The following FBXL14 variants were observed in gnomAD, a reference collection of about 807,000 sequenced individuals.
FBXL14 encodes F-box/LRR-repeat protein 14.
Under a neutral mutation model 24.5 loss-of-function variants are expected in FBXL14, and 11 were observed. That is an observed-to-expected ratio of 0.45 (90% CI 0.28 to 0.74). FBXL14 has a LOEUF of 0.74. Among genes scored for constraint, FBXL14 ranks in the 30% least tolerant of loss-of-function variants. FBXL14 has a pLI of 0.12. For missense variants in FBXL14, 384 were observed against 545.6 expected, an observed-to-expected ratio of 0.70 and a Z score of 2.95; for synonymous variants, 294 against 240.4, an observed-to-expected ratio of 1.22 and a Z score of -2.06.
chr12:1,592,190 GTATA>G (rs576737463), intron 1 of FBXL14, among the ~76,000 whole-genome samples: 1 of 139,068 alleles, frequency 7.2e-6, no homozygotes, highest in Non-Finnish European at 1.6e-5. Context: ...ACATATATAT[GTATA>G]TATATATATA....
chr12:1,591,264 A>G (rs1200764599), intron 1 of FBXL14, among the ~76,000 whole-genome samples: 1 of 151,940 alleles, frequency 6.6e-6, no homozygotes, highest in Non-Finnish European at 1.5e-5. Flanking sequence ...GCGTCCTCTT[A>G]GAGTATACAA....
In FBXL14 at chr12:1,566,727, C is replaced by G; in HGVS notation, c.*21G>C. The stretch of plus-strand genomic sequence containing the variant: ...CTGGAAGTTAAAGATCCACGGGAAC[C>G]ATGTCGTTGTCCCCTCTCCCTCACC... On this transcript the variant is annotated 3_prime_UTR_variant, in exon 2 of 2. Transcript: ENST00000339235. 2.6e-6 allele frequency: 2 copies of G among 780,894 alleles called. No homozygotes were observed. The highest frequency in any genetic ancestry group is 4.8e-6 in the Non-Finnish European group (2 of 418,062). The allele number at this position is 780,894 out of a possible 1,614,324, so 48.4% of individuals were successfully genotyped here. A position where few individuals can be genotyped will look rare whatever the true frequency, so the allele number is the denominator to read the frequency against.
intron 1 of FBXL14, among the ~76,000 whole-genome samples, chr12:1,580,634 A>G (rs2094464488): frequency 6.6e-6 from 1 of 152,166 alleles, no homozygotes; most frequent in Non-Finnish European, 1.5e-5. Context: ...CCACTTGATT[A>G]GAGGCCTTTG....
Position 1,579,625 on chromosome 12 carries a change from A to G in FBXL14, c.1195-12815T>C, listed in dbSNP as rs2094462519. On this transcript the variant is annotated intron_variant, in intron 1 of 1. Coordinates refer to ENST00000339235, the MANE Select transcript of FBXL14 (RefSeq NM_152441.3). The surrounding 1 kb of genome is among the most constrained non-coding windows in gnomAD (Gnocchi z 4.3). ...GAGACTCCATTTAAAAAAAAAAAAAAATGTAGTTATCAATTTTTTGTTTTT... is the reference window on the plus strand; with the variant it reads ...GAGACTCCATTTAAAAAAAAAAAAAGATGTAGTTATCAATTTTTTGTTTTT... 6.6e-6 allele frequency among the ~76,000 whole-genome samples: 1 copy of G among 151,928 alleles called. No homozygotes were observed.
chr12:1,587,169 G>A (rs539193553), intron 1 of FBXL14, among the ~76,000 whole-genome samples: 69 of 151,160 alleles, frequency 4.6e-4, no homozygotes, highest in African/African-American at 1.6e-3. Context: ...CCTGGGAGGC[G>A]GAGGTTGCAG....
chr12:1,573,698 A>T (rs1199970587), intron 1 of FBXL14, among the ~76,000 whole-genome samples: 1 of 152,196 alleles, frequency 6.6e-6, no homozygotes, highest in Non-Finnish European at 1.5e-5. Context: ...TACAACATAC[A>T]TAAGTGCACA....
chr12:1,576,632 G>A (rs1043554620), intron 1 of FBXL14, among the ~76,000 whole-genome samples: 1 of 152,140 alleles, frequency 6.6e-6, no homozygotes, highest in African/African-American at 2.4e-5. Flanking sequence ...CTCCCATGGG[G>A]CCTATCTAGA....
In FBXL14 at chr12:1,593,676, T is replaced by C. The variant is rs767062865; in HGVS notation, c.391A>G (p.Thr131Ala). ...GCTATGCGGCCCAGGCTGCTGTCAG[T>C]GATCTGCTTGCAGAGGCTCAGGTTG... ...ALNLSLCKQI[T>A]DSSLGRIAQY... Residue 131 changes from threonine to alanine, a missense_variant, in exon 1 of 2, where the codon ACT (threonine) becomes GCT (alanine). By Grantham distance (58) the Thr-to-Ala change is moderately conservative. Coordinates refer to ENST00000339235, the MANE Select transcript of FBXL14 (RefSeq NM_152441.3). The surrounding 1 kb of genome is among the most constrained non-coding windows in gnomAD (Gnocchi z 7.4). The C allele has an allele frequency of 1.9e-6, 3 of 1,614,026 alleles. No homozygotes were observed. The highest frequency in any genetic ancestry group is 2.5e-6 in the Non-Finnish European group (3 of 1,180,020).
At chr12:1,591,714 CAG>C (rs915381351) in intron 1 of FBXL14, among the ~76,000 whole-genome samples, 2 of 152,088 alleles carry the variant, frequency 1.3e-5, no homozygotes, top group African/African-American at 4.8e-5. Context: ...GTTAATAGAA[CAG>C]AGATAAGATA....
rs149857495 is a variant in FBXL14, at chr12:1,584,607, G to T, written c.1194+8266C>A. On this transcript the variant is annotated intron_variant, in intron 1 of 1. Transcript: ENST00000339235. ...AGAGCCAATCCTCCATCTACTCCAGGCTCTGGAAACTTGAAGACCTTTTCT... is the reference window on the plus strand; with the variant it reads ...AGAGCCAATCCTCCATCTACTCCAGTCTCTGGAAACTTGAAGACCTTTTCT... 2.3e-3 allele frequency among the ~76,000 whole-genome samples: 351 copies of T among 152,288 alleles called. 1 individual carries two copies. The highest frequency in any genetic ancestry group is 8.1e-3 in the African/African-American group (335 of 41,568).
intron 1 of FBXL14, chr12:1,587,677 TTAA>T (rs1229245701): frequency 6.6e-6 from 1 of 152,244 alleles, no homozygotes; most frequent in Non-Finnish European, 1.5e-5. Context: ...AAGTAAATTA[TTAA>T]TATTTGGCAC....
chr12:1,593,927 C>A lies in FBXL14; in HGVS notation c.140G>T (p.Gly47Val). 1 of 1,576,972 alleles carries A rather than the reference C, an allele frequency of 6.3e-7. No homozygotes were observed. Among genetic ancestry groups the A allele is most frequent in the Non-Finnish European group, 8.6e-7 (1 of 1,168,648 alleles). ...DAAYHKSVWR[G>V]VEAKLHLRRA... The stretch of plus-strand genomic sequence containing the variant: ...GCGCAGGTGCAGCTTGGCCTCCACC[C>A]CCCGCCACACCGACTTGTGGTAGGC... Residue 47 changes from glycine to valine, a missense_variant, in exon 1 of 2, where the codon GGG becomes GTG. Gly to Val is a moderately radical substitution (Grantham distance 109). Transcript: ENST00000339235. The surrounding 1 kb of genome is among the most constrained non-coding windows in gnomAD (Gnocchi z 7.4).
At chr12:1,583,150 T>A (rs2154438097) in intron 1 of FBXL14, among the ~76,000 whole-genome samples, 1 of 152,194 alleles carries the variant, frequency 6.6e-6, no homozygotes, top group Admixed American at 6.5e-5. Flanking sequence ...AAGATACTCC[T>A]AAAATTTTAA....
At chr12:1,589,458 CAGGAAGGCAGGAAGACAGGA>C (rs2094484410) in intron 1 of FBXL14, among the ~76,000 whole-genome samples, 2 of 30,550 alleles carry the variant, frequency 6.5e-5, no homozygotes, top group South Asian at 2.0e-3. Context: ...AAAAAAAAGA[CAGGAAGGCAGGAAGACAGGA>C]AGGAAGGGAG....
chr12:1,580,527 C>T (rs2094464161), intron 1 of FBXL14, among the ~76,000 whole-genome samples: 1 of 152,004 alleles, frequency 6.6e-6, no homozygotes, highest in Admixed American at 6.5e-5. Flanking sequence ...AAATGGAAAA[C>T]ATAGTGGGGG....
chr12:1,587,151 C>T (rs1462104155), intron 1 of FBXL14, among the ~76,000 whole-genome samples: 3 of 150,188 alleles, frequency 2.0e-5, no homozygotes, highest in Non-Finnish European at 4.4e-5. Flanking sequence ...GCAGGAGAAT[C>T]ACTTGAACCT....
intron 1 of FBXL14, among the ~76,000 whole-genome samples, chr12:1,592,190 G>GTATA (rs576737463): frequency 2.2e-3 from 310 of 139,074 alleles, no homozygotes; most frequent in African/African-American, 7.2e-3. Flanking sequence ...ACATATATAT[G>GTATA]TATATATATA....
chr12:1,576,620 C>T (rs1237471707), intron 1 of FBXL14, among the ~76,000 whole-genome samples: 3 of 152,192 alleles, frequency 2.0e-5, no homozygotes, highest in Non-Finnish European at 2.9e-5. Context: ...ACACGAGACG[C>T]ACTCCCATGG....
chr12:1,572,517 C>G (rs1021009425), intron 1 of FBXL14, among the ~76,000 whole-genome samples: 5 of 152,204 alleles, frequency 3.3e-5, no homozygotes, highest in Non-Finnish European at 7.3e-5. Flanking sequence ...AGTCCATATG[C>G]TAGTAGACCC....
Sources: gnomAD v4.1 joint callset for allele counts (sites outside exome capture counted in the v4.1 genomes callset) on GRCh38, gnomAD v4.1.1 for gene constraint, Gnocchi (gnomAD v3.1) non-coding constraint, MANE v1.5 for transcripts, NCBI Gene and HGNC (gene_info 2026-07-23, HGNC 2026-07-21) for gene names.